CHCHD6: variants seen among roughly 807,000 people sequenced by gnomAD.
CHCHD6 encodes coiled-coil-helix-coiled-coil-helix domain containing 6.
CHCHD6 carries 28 observed loss-of-function variants against 32.3 expected under a neutral mutation model. The observed-to-expected ratio is 0.87, with a 90% confidence interval of 0.64 to 1.19. CHCHD6 has a LOEUF of 1.19. Ranked by LOEUF, CHCHD6 falls within the 50% of genes most tolerant of loss-of-function variation. CHCHD6 has a pLI of 0.00. For missense variants in CHCHD6, 333 were observed against 307.0 expected, an observed-to-expected ratio of 1.08 and a Z score of -0.63; for synonymous variants, 122 against 117.5, an observed-to-expected ratio of 1.04 and a Z score of -0.25.
intron 5 of CHCHD6, among the ~76,000 whole-genome samples, chr3:126,893,615 G>A (rs2077796302): frequency 1.3e-5 from 2 of 152,220 alleles, no homozygotes; most frequent in Admixed American, 6.5e-5. Flanking sequence ...AGATTCAGGG[G>A]TTGAGTCCAT....
intron 1 of CHCHD6, among the ~76,000 whole-genome samples, chr3:126,714,380 T>C (rs941634436): frequency 2.6e-5 from 4 of 152,170 alleles, no homozygotes; most frequent in Admixed American, 1.3e-4. Context: ...CTCCGAGGGC[T>C]CTTCTTGTTC....
rs373736535 is a variant in CHCHD6 at position 126,957,481 on chromosome 3, G to T, written c.632G>T (p.Arg211Leu). The T allele has an allele frequency of 2.5e-6, 4 of 1,606,876 alleles. No homozygotes were observed. The East Asian group carries it at 9.0e-5, about 36-fold the overall frequency. ...CAGATTCTCCACTGCTACCGAGATC[G>T]CCCGCATGAGGTGCTGCTGTGCTCG... ...QAQILHCYRD[R>L]PHEVLLCSDL... is the part of the protein sequence containing the mutation. Residue 211 changes from arginine to leucine, a missense_variant, in exon 7 of 8, where the codon CGC becomes CTC. Coordinates refer to ENST00000290913, the MANE Select transcript of CHCHD6 (RefSeq NM_032343.3).
intron 4 of CHCHD6, among the ~76,000 whole-genome samples, chr3:126,796,638 G>A (rs547623127): frequency 3.3e-5 from 5 of 152,118 alleles, no homozygotes; most frequent in Non-Finnish European, 4.4e-5. Flanking sequence ...CCCAGGGAAG[G>A]CCTCTGTCAG....
At chr3:126,864,099 TACCACATCCTCCACCACCATC>T (rs1179594867) in intron 5 of CHCHD6, among the ~76,000 whole-genome samples, 3 of 65,626 alleles carry the variant, frequency 4.6e-5, no homozygotes, top group Non-Finnish European at 9.5e-5. Flanking sequence ...CCACCACCAT[TACCACATCCTCCACCACCATC>T]ACCACCTCCT....
intron 4 of CHCHD6, among the ~76,000 whole-genome samples, chr3:126,744,108 A>G (rs1936397279): frequency 1.3e-5 from 2 of 152,174 alleles, no homozygotes; most frequent in Non-Finnish European, 1.5e-5. Context: ...GGACAACCTG[A>G]CAGCAGTATA....
intron 4 of CHCHD6, among the ~76,000 whole-genome samples, chr3:126,851,203 G>A (rs1238307955): frequency 6.6e-6 from 1 of 152,198 alleles, no homozygotes; most frequent in Non-Finnish European, 1.5e-5. Flanking sequence ...TGCACTCAGG[G>A]GCACTAGTGA....
chr3:126,884,901 C>T (rs1050647470), intron 5 of CHCHD6, among the ~76,000 whole-genome samples: 7 of 152,194 alleles, frequency 4.6e-5, no homozygotes. Flanking sequence ...TGACTGCCGA[C>T]GTGTTGTTGG....
At chr3:126,920,211 CTT>C (rs11414526) in intron 6 of CHCHD6, among the ~76,000 whole-genome samples, 10 of 138,130 alleles carry the variant, frequency 7.2e-5, no homozygotes, top group Admixed American at 1.4e-4. Flanking sequence ...ATTTGCTTTG[CTT>C]TTTTTTTTTT....
intron 6 of CHCHD6, among the ~76,000 whole-genome samples, chr3:126,936,346 T>TA (rs2078480129): frequency 6.6e-6 from 1 of 152,194 alleles, no homozygotes; most frequent in East Asian, 1.9e-4. Flanking sequence ...TTAGAAATGT[T>TA]AGTCCTGGGC....
chr3:126,751,996 C>T (rs570638343), intron 4 of CHCHD6, among the ~76,000 whole-genome samples: 3 of 152,256 alleles, frequency 2.0e-5, no homozygotes, highest in South Asian at 2.1e-4. Context: ...ATCTAATGGC[C>T]GTTTAAAAAT....
At position 126,749,206 on chromosome 3, in the gene CHCHD6, A is replaced by G. The variant is rs554920237; in HGVS notation, c.411+15984A>G. Among the ~76,000 whole-genome samples, 4 of 152,248 alleles carry G rather than the reference A, an allele frequency of 2.6e-5. No homozygotes were observed. The South Asian group carries it at 8.3e-4, about 32-fold the overall frequency. On this transcript the variant is annotated intron_variant, in intron 4 of 7. Coordinates refer to ENST00000290913, the MANE Select transcript of CHCHD6 (RefSeq NM_032343.3). ...AAACTGGGTTTGAGAAGCAGCAGGGAGCATGTGAAAGGTTTTCATAGAGAT... is the reference window on the plus strand; with the variant it reads ...AAACTGGGTTTGAGAAGCAGCAGGGGGCATGTGAAAGGTTTTCATAGAGAT...
chr3:126,858,527 C>G (rs1395676985), intron 5 of CHCHD6, among the ~76,000 whole-genome samples: 1 of 152,218 alleles, frequency 6.6e-6, no homozygotes, highest in Non-Finnish European at 1.5e-5. Flanking sequence ...CTGCAGCGCT[C>G]TGCTCAGGAT....
chr3:126,938,256 C>T (rs976182269), intron 6 of CHCHD6, among the ~76,000 whole-genome samples: 3 of 152,142 alleles, frequency 2.0e-5, no homozygotes, highest in African/African-American at 7.2e-5. Flanking sequence ...TCTCTGGCAC[C>T]GTAGCCAGAG....
chr3:126,906,118 G>A (rs1225521497), intron 5 of CHCHD6, among the ~76,000 whole-genome samples: 1 of 152,156 alleles, frequency 6.6e-6, no homozygotes, highest in South Asian at 2.1e-4. Flanking sequence ...TCCCACTCCA[G>A]CTGCTGTCTT....
intron 4 of CHCHD6, among the ~76,000 whole-genome samples, chr3:126,736,491 T>A (rs1936048733): frequency 6.6e-6 from 1 of 152,224 alleles, no homozygotes; most frequent in Non-Finnish European, 1.5e-5. Context: ...TAATATGTAA[T>A]GTGCTCTTCC....
intron 4 of CHCHD6, among the ~76,000 whole-genome samples, chr3:126,841,949 T>C (rs993794050): frequency 6.6e-6 from 1 of 151,618 alleles, no homozygotes; most frequent in African/African-American, 2.4e-5. Flanking sequence ...CTTGGGAATG[T>C]TGGAAATGTT....
chr3:126,882,093 C>T (rs531061274), intron 5 of CHCHD6, among the ~76,000 whole-genome samples: 20 of 152,370 alleles, frequency 1.3e-4, no homozygotes, highest in African/African-American at 4.3e-4. Context: ...TCCAAACACA[C>T]ATCCTTCATA....
At chr3:126,922,081 A>C (rs188152340) in intron 6 of CHCHD6, among the ~76,000 whole-genome samples, 2 of 152,364 alleles carry the variant, frequency 1.3e-5, no homozygotes, top group East Asian at 3.9e-4. Flanking sequence ...TGTGTGGCTT[A>C]ATCTGATGGA....
chr3:126,842,896 T>C (rs966876160), intron 4 of CHCHD6, among the ~76,000 whole-genome samples: 1 of 151,184 alleles, frequency 6.6e-6, no homozygotes, highest in Admixed American at 6.6e-5. Context: ...AGAATGTAGA[T>C]ATTTAATTTT....
Sources: allele counts gnomAD v4.1 joint callset (sites outside exome capture counted in the v4.1 genomes callset), GRCh38; gene constraint gnomAD v4.1.1; transcripts MANE v1.5; gene names NCBI Gene and HGNC (gene_info 2026-07-23, HGNC 2026-07-21).